Variants in SYNE2 observed in about 807,000 individuals in gnomAD.
SYNE2 encodes the protein nesprin-2.
Under a neutral mutation model 856.3 loss-of-function variants are expected in SYNE2, and 431 were observed. The observed-to-expected ratio is 0.50, with a 90% CI of 0.47 to 0.55. SYNE2 has a LOEUF of 0.55. Among genes scored for constraint, SYNE2 ranks in the 20% least tolerant of loss-of-function variants. The pLI is 0.00. For missense variants in SYNE2, 8,129 were observed against 8,023.2 expected (o/e 1.01, Z -0.50); for synonymous variants, 2,923 against 2,872.3 (o/e 1.02, Z -0.56).
rs537177665 is a variant in SYNE2 at position 64,003,327 on chromosome 14, A to G, written c.4394A>G (p.His1465Arg). The G allele has an allele frequency of 2.8e-5, 45 of 1,614,100 alleles. No homozygotes were observed. Among genetic ancestry groups the G allele is most frequent in the Middle Eastern group, 3.3e-4 (2 of 6,062 alleles). ...GATCCTACTGTTCCAGCTGTGAAAC[A>G]TCGGTAAGTATTGTCCATCCATTTC... The part of the protein sequence containing the change: ...LKDPTVPAVK[H>R]RKKSLIRLDK... Residue 1465 changes from histidine to arginine, a missense_variant, in exon 30 of 116, where the codon CAT becomes CGT. By Grantham distance (29) the His-to-Arg change is conservative (BLOSUM62 0). This residue lies in a region of SYNE2 where 2,422 missense variants were observed against 2,357.4 expected (regional missense o/e 1.03). Coordinates refer to ENST00000555002, the MANE Select transcript of SYNE2 (RefSeq NM_182914.3).
chr14:63,896,688 C>T (rs972446490), intron 1 of SYNE2, among the ~76,000 whole-genome samples: 69 of 152,258 alleles, frequency 4.5e-4, no homozygotes, highest in African/African-American at 1.6e-3. Flanking sequence ...GGACTACAGC[C>T]GAGTTCTCCT....
intron 84 of SYNE2, among the ~76,000 whole-genome samples, chr14:64,149,556 AG>A (rs1461399831): frequency 2.6e-5 from 4 of 152,186 alleles, no homozygotes. Flanking sequence ...AAAATTGTAT[AG>A]TTGAATAGAG....
intron 2 of SYNE2, among the ~76,000 whole-genome samples, chr14:63,910,003 T>A (rs370292342): frequency 3.3e-5 from 5 of 152,378 alleles, no homozygotes; most frequent in Admixed American, 6.5e-5. Context: ...AATATTTTTG[T>A]TGTATTTTGA....
intron 53 of SYNE2, 91 bp from the exon 54 acceptor site, chr14:64,075,854 C>G: frequency 7.1e-7 from 1 of 1,414,194 alleles, no homozygotes; most frequent in Non-Finnish European, 1.0e-6. Flanking sequence ...TCCTTTAAAT[C>G]ATAAGGATGT....
intron 38 of SYNE2, chr14:64,023,090 C>T: frequency 2.0e-6 from 1 of 495,952 alleles, no homozygotes; most frequent in East Asian, 3.7e-5. Flanking sequence ...AACCTTATCT[C>T]TACAAAAAAT....
intron 96 of SYNE2, among the ~76,000 whole-genome samples, chr14:64,183,062 G>C (rs181626002): frequency 0.031 from 4,631 of 148,866 alleles, 117 homozygotes; most frequent in Non-Finnish European, 0.05. Context: ...GGGCGGAGAC[G>C]CTCCTCACTT....
intron 1 of SYNE2, among the ~76,000 whole-genome samples, chr14:63,835,475 C>A (rs552110029): frequency 6.6e-6 from 1 of 152,014 alleles, no homozygotes; most frequent in Admixed American, 6.6e-5. Flanking sequence ...TCAAGTGATC[C>A]GCCCTCTTTG....
chr14:64,007,125 C>T lies in SYNE2; in HGVS notation c.4480C>T (p.Leu1494Phe), dbSNP rs866181781. The T allele has an allele frequency of 1.9e-6, 3 of 1,613,716 alleles. No individual in the cohort carries two copies. The African/African-American group carries it at 4.0e-5, about 22-fold the overall frequency. Residue 1494 changes from leucine to phenylalanine, a missense_variant, in exon 31 of 116, where the codon CTT becomes TTT. Leu to Phe is a conservative substitution (Grantham distance 22). Around this residue, in one of 3 missense-constraint regions of SYNE2, gnomAD observed 2,422 missense variants for 2,357.4 expected, o/e 1.03. Transcript: ENST00000555002. ...KRHLQEMANSLPHFKDGREKT... is the reference protein window; with the variant it reads ...KRHLQEMANSFPHFKDGREKT... The stretch of plus-strand genomic sequence containing the variant: ...ACATTTACAAGAAATGGCTAATTCT[C>T]TTCCACACTTCAAAGATGGCAGAGA...
intron 87 of SYNE2, 22 bp downstream of exon 87, chr14:64,159,464 G>A: frequency 1.9e-6 from 3 of 1,611,540 alleles, no homozygotes; most frequent in Non-Finnish European, 2.5e-6. Context: ...GATATAATTT[G>A]AATGATAGAT....
chr14:63,812,767 T>C (rs1888662693), intron 1 of SYNE2, among the ~76,000 whole-genome samples: 1 of 152,176 alleles, frequency 6.6e-6, no homozygotes, highest in South Asian at 2.1e-4. Flanking sequence ...AACAGTTGAC[T>C]TTAAGGAACT....
At chr14:64,212,184 T>C (rs2098645120) in intron 104 of SYNE2, 86 bp downstream of exon 104, 6 of 1,599,048 alleles carry the variant, frequency 3.8e-6, no homozygotes, top group Non-Finnish European at 5.1e-6. Context: ...CACACGATAC[T>C]CTGAGAGCAA....
intron 51 of SYNE2, 45 bp from the exon 52 acceptor site, chr14:64,070,600 A>G: frequency 6.5e-7 from 1 of 1,542,312 alleles, no homozygotes; most frequent in Non-Finnish European, 8.9e-7. Context: ...CTGAAATGTA[A>G]TTGTATATTT....
At chr14:63,950,567 A>G (rs2096136563) in intron 7 of SYNE2, among the ~76,000 whole-genome samples, 1 of 152,188 alleles carries the variant, frequency 6.6e-6, no homozygotes, top group Non-Finnish European at 1.5e-5. Flanking sequence ...ACACACACAC[A>G]TACAACAAAA....
At chr14:64,041,849 T>A (rs2097150858) in intron 45 of SYNE2, among the ~76,000 whole-genome samples, 1 of 143,940 alleles carries the variant, frequency 6.9e-6, no homozygotes, top group South Asian at 2.2e-4. Flanking sequence ...GACCCTTTCT[T>A]AAAAAAAAAA....
intron 2 of SYNE2, among the ~76,000 whole-genome samples, chr14:63,924,852 T>TGTTTTTTTTG (rs2095644299): frequency 7.2e-6 from 1 of 138,496 alleles, no homozygotes; most frequent in South Asian, 2.5e-4. Context: ...TTTTTTTTTT[T>TGTTTTTTTTG]TTTTTTTTTT....
chr14:63,979,207 A>T (rs1380235273), intron 14 of SYNE2, among the ~76,000 whole-genome samples, 193 bp downstream of exon 14: 2 of 152,216 alleles, frequency 1.3e-5, no homozygotes, highest in African/African-American at 4.8e-5. Flanking sequence ...AAGAGTAAAA[A>T]TATAGAAAAT....
chr14:64,213,642 A>C (rs1429176070), intron 105 of SYNE2, among the ~76,000 whole-genome samples: 1 of 152,136 alleles, frequency 6.6e-6, no homozygotes, highest in Non-Finnish European at 1.5e-5. Context: ...ATTTCATCAG[A>C]CACAGCCTCA....
rs952227221 is a variant in SYNE2 at position 64,098,038 on chromosome 14, C to T, written c.12198C>T (p.Asn4066=). 23 of 1,614,046 alleles carry T rather than the reference C, an allele frequency of 1.4e-5. No individual in the cohort carries two copies. The highest frequency in any genetic ancestry group is 1.8e-5 in the Non-Finnish European group (21 of 1,180,036). ...TGGACTTGAAGGCCACCGTACTAAACCTTCACCAGCATTTGAAGCAAGAAC... is the reference window on the plus strand; with the variant it reads ...TGGACTTGAAGGCCACCGTACTAAATCTTCACCAGCATTTGAAGCAAGAAC... ...LLVDLKATVL[N]LHQHLKQEQE... Residue 4066 remains asparagine, a synonymous_variant, in exon 62 of 116, where the codon AAC becomes AAT. Coordinates refer to ENST00000555002, the MANE Select transcript of SYNE2 (RefSeq NM_182914.3).
chr14:64,057,753 C>T (rs1223321709), intron 49 of SYNE2, among the ~76,000 whole-genome samples: 1 of 152,184 alleles, frequency 6.6e-6, no homozygotes, highest in East Asian at 1.9e-4. Context: ...TATGAAGATG[C>T]TGTTTTCTCC....
Sources: allele counts gnomAD v4.1 joint callset (sites outside exome capture counted in the v4.1 genomes callset), GRCh38; gene constraint gnomAD v4.1.1; regional missense constraint gnomAD v4.1.1; transcripts MANE v1.5; gene names NCBI Gene and HGNC (gene_info 2026-07-23, HGNC 2026-07-21).